Variants in RFX4 observed in about 807,000 individuals in gnomAD.
RFX4 encodes regulatory factor X4.
In RFX4, 10 loss-of-function variants were observed where a neutral mutation model predicts 95.0. The observed-to-expected ratio is 0.11, with a 90% CI of 0.06 to 0.18. The LOEUF is 0.18. Among genes scored for constraint, RFX4 ranks in the 10% least tolerant of loss-of-function variants. RFX4 has a pLI of 1.00. For missense variants in RFX4, 640 were observed against 922.0 expected, an observed-to-expected ratio of 0.69 and a Z score of 3.96; for synonymous variants, 321 against 340.7, an observed-to-expected ratio of 0.94 and a Z score of 0.64.
chr12:106,713,086 C>T (rs1051613734), intron 10 of RFX4, among the ~76,000 whole-genome samples: 6 of 152,186 alleles, frequency 3.9e-5, no homozygotes, highest in African/African-American at 9.7e-5. Context: ...CCATCTCTAC[C>T]GGAAAGCTTT....
At position 106,747,490 on chromosome 12, in the gene RFX4, G is replaced by C. The variant is rs550968854; in HGVS notation, c.1687G>C (p.Gly563Arg). 1.2e-6 allele frequency: 2 copies of C among 1,614,146 alleles called. No homozygotes were observed. The highest frequency in any genetic ancestry group is 2.2e-5 in the South Asian group (2 of 91,078). Residue 563 changes from glycine to arginine, a missense_variant, in exon 16 of 18, where the codon GGG becomes CGG. By Grantham distance (125) the Gly-to-Arg change is moderately radical (BLOSUM62 -2). Transcript: ENST00000392842. ...AACATACACAGTGACGACGGCTGCT[G>C]GGTCCCCAGCTGAGAACTCCCAACA... is the stretch of plus-strand genomic sequence containing the variant. Reference protein sequence around the residue: ...SLTYTVTTAAGSPAENSQQLP... With the variant: ...SLTYTVTTAARSPAENSQQLP...
intron 2 of RFX4, among the ~76,000 whole-genome samples, chr12:106,628,530 T>C (rs1210920294): frequency 1.3e-5 from 2 of 152,128 alleles, no homozygotes; most frequent in African/African-American, 4.8e-5. Context: ...CCCTCCCCTA[T>C]AGGGTCTTTT....
intron 4 of RFX4, among the ~76,000 whole-genome samples, chr12:106,678,697 C>G (rs953723665): frequency 3.9e-5 from 6 of 152,194 alleles, no homozygotes; most frequent in African/African-American, 1.4e-4. Context: ...TACCACATTA[C>G]CTGTTTATTC....
At chr12:106,603,315 G>A (rs2039751518) in intron 1 of RFX4, among the ~76,000 whole-genome samples, 2 of 152,206 alleles carry the variant, frequency 1.3e-5, no homozygotes, top group Non-Finnish European at 2.9e-5. Flanking sequence ...AGAGAATGAA[G>A]CCTTGTAGAA....
At position 106,595,497 on chromosome 12, in the gene RFX4, G is replaced by A. The variant is rs1321356735; in HGVS notation, c.43+12134G>A. ...CAGCAGGCTGCTGAGGATGCCCACGGGCACTCCTCCCTGAGTGGGTGCCTC... is the reference window on the plus strand; with the variant it reads ...CAGCAGGCTGCTGAGGATGCCCACGAGCACTCCTCCCTGAGTGGGTGCCTC... On this transcript the variant is annotated intron_variant, in intron 1 of 17. Coordinates refer to ENST00000392842, the MANE Select transcript of RFX4 (RefSeq NM_213594.3). Among the ~76,000 whole-genome samples, 22 of 152,140 alleles carry A rather than the reference G, an allele frequency of 1.4e-4. 1 individual carries two copies. The highest frequency in any genetic ancestry group is 2.4e-4 in the Non-Finnish European group (16 of 68,014).
intron 2 of RFX4, among the ~76,000 whole-genome samples, chr12:106,626,176 G>T (rs2040295027): frequency 6.6e-6 from 1 of 152,220 alleles, no homozygotes; most frequent in Admixed American, 6.5e-5. Flanking sequence ...TAGGAATGCA[G>T]TATTTCAGGC....
intron 2 of RFX4, among the ~76,000 whole-genome samples, chr12:106,614,971 A>T (rs971648665): frequency 6.6e-6 from 1 of 152,172 alleles, no homozygotes; most frequent in African/African-American, 2.4e-5. Flanking sequence ...AATAACTTTT[A>T]TGAACACAAG....
chr12:106,601,525 T>G (rs1565945647), intron 1 of RFX4, among the ~76,000 whole-genome samples: 1 of 152,222 alleles, frequency 6.6e-6, no homozygotes, highest in Admixed American at 6.5e-5. Context: ...ACTGTTGATA[T>G]AGTGTGAATA....
chr12:106,588,409 C>A (rs991565011), intron 1 of RFX4, among the ~76,000 whole-genome samples: 1 of 152,160 alleles, frequency 6.6e-6, no homozygotes, highest in Non-Finnish European at 1.5e-5. Flanking sequence ...GCATCACAGA[C>A]CCTCACATAT....
intron 7 of RFX4, 115 bp from the exon 8 acceptor site, chr12:106,696,168 C>T (rs951375841): frequency 5.0e-5 from 62 of 1,243,680 alleles, no homozygotes; most frequent in Admixed American, 1.9e-4. Flanking sequence ...CTTCTGCTGC[C>T]GCAGGGGAAG....
At chr12:106,661,593 C>A (rs2137339648) in intron 4 of RFX4, among the ~76,000 whole-genome samples, 1 of 152,292 alleles carries the variant, frequency 6.6e-6, no homozygotes, top group Middle Eastern at 3.4e-3. Context: ...TTGGTGAATT[C>A]ACTCACATTG....
intron 13 of RFX4, among the ~76,000 whole-genome samples, chr12:106,725,519 C>G (rs1289265055): frequency 6.6e-6 from 1 of 151,874 alleles, no homozygotes; most frequent in African/African-American, 2.4e-5. Flanking sequence ...CTTCAAGGAA[C>G]AGTTAAAGCA....
At chr12:106,743,849 C>T (rs966692856) in intron 15 of RFX4, among the ~76,000 whole-genome samples, 1 of 152,200 alleles carries the variant, frequency 6.6e-6, no homozygotes, top group Non-Finnish European at 1.5e-5. Flanking sequence ...GTCCCAGAGG[C>T]TTCAAGGGTT....
At chr12:106,596,286 T>C (rs1406687596) in intron 1 of RFX4, among the ~76,000 whole-genome samples, 21 of 152,198 alleles carry the variant, frequency 1.4e-4, no homozygotes, top group Non-Finnish European at 1.0e-4. Flanking sequence ...AACGGGAGTT[T>C]CCCTGCACAA....
At chr12:106,737,932 T>C (rs1035358874) in intron 15 of RFX4, among the ~76,000 whole-genome samples, 6 of 152,192 alleles carry the variant, frequency 3.9e-5, no homozygotes, top group African/African-American at 1.4e-4. Context: ...TCCCTCCCAT[T>C]TTCTTTCCAT....
At chr12:106,611,469 T>G (rs926273256) in intron 2 of RFX4, among the ~76,000 whole-genome samples, 2 of 152,124 alleles carry the variant, frequency 1.3e-5, no homozygotes, top group Non-Finnish European at 2.9e-5. Context: ...TGATCTGTTT[T>G]GAGCTAACAT....
chr12:106,758,629 T>C (rs1368640167), intron 17 of RFX4, among the ~76,000 whole-genome samples: 1 of 152,124 alleles, frequency 6.6e-6, no homozygotes, highest in Non-Finnish European at 1.5e-5. Flanking sequence ...AGGTGAGAAT[T>C]CTAAGGCCCC....
At chr12:106,660,854 T>C (rs1009030441) in intron 4 of RFX4, among the ~76,000 whole-genome samples, 1 of 152,062 alleles carries the variant, frequency 6.6e-6, no homozygotes, top group Non-Finnish European at 1.5e-5. Flanking sequence ...GGGATCTAGG[T>C]TGTGTTTTCC....
rs142385519 is a variant in RFX4, at chr12:106,730,726, C to T, written c.1352-1404C>T. Among the ~76,000 whole-genome samples the T allele has an allele frequency of 2.1e-3, 313 of 152,214 alleles. 2 individuals are homozygous for T. Among genetic ancestry groups the T allele is most frequent in the African/African-American group, 6.3e-3 (263 of 41,536 alleles). On this transcript the variant is annotated intron_variant, in intron 13 of 17. Transcript: ENST00000392842. ...CCCGTAAAGTCTCTAAAAGGCTGGG[C>T]GTGGTGGCTCATGCCTGTAATCCCA...
Sources: gnomAD v4.1 joint callset for allele counts (sites outside exome capture counted in the v4.1 genomes callset) on GRCh38, gnomAD v4.1.1 for gene constraint, MANE v1.5 for transcripts, NCBI Gene and HGNC (gene_info 2026-07-23, HGNC 2026-07-21) for gene names.